Variants in ZFP91 observed in about 807,000 individuals in gnomAD.
The protein encoded by ZFP91 is E3 ubiquitin-protein ligase ZFP91.
Under a neutral mutation model 63.5 loss-of-function variants are expected in ZFP91, and 7 were observed. The ratio of observed to expected loss-of-function variants is 0.11; its 90% confidence interval spans 0.06 to 0.21. ZFP91 has a LOEUF of 0.21. ZFP91 is among the 10% of genes least tolerant of loss of function. The pLI is 1.00. For synonymous variants in ZFP91, 330 were observed against 272.1 expected (o/e 1.21, Z -2.10); for missense variants, 628 against 736.6 (o/e 0.85, Z 1.71).
chr11:58,600,838 G>GT (rs1190954601), intron 2 of ZFP91, among the ~76,000 whole-genome samples: 1 of 152,020 alleles, frequency 6.6e-6, no homozygotes, highest in Non-Finnish European at 1.5e-5. Flanking sequence ...TCTATTCCCA[G>GT]TTTTTTGTGT....
chr11:58,614,101 T>C (rs746095525), intron 8 of ZFP91, 128 bp from the exon 9 acceptor site: 3 of 520,032 alleles, frequency 5.8e-6, no homozygotes, highest in Non-Finnish European at 1.0e-5. Flanking sequence ...TTTATTATAC[T>C]CCCTCACTAT....
chr11:58,590,456 C>T (rs375646864), intron 2 of ZFP91, among the ~76,000 whole-genome samples: 1 of 152,062 alleles, frequency 6.6e-6, no homozygotes, highest in Non-Finnish European at 1.5e-5. Flanking sequence ...GTGGTTGTGG[C>T]GCAGTGTTCC....
chr11:58,605,816 A>G (rs931666868), intron 2 of ZFP91, among the ~76,000 whole-genome samples: 4 of 151,958 alleles, frequency 2.6e-5, no homozygotes, highest in Non-Finnish European at 5.9e-5. Flanking sequence ...AGTTTTTCAA[A>G]TATTCTTTCT....
At chr11:58,580,023 G>A (rs1315494190) in intron 1 of ZFP91, among the ~76,000 whole-genome samples, 1 of 151,460 alleles carries the variant, frequency 6.6e-6, no homozygotes, top group African/African-American at 2.4e-5. Context: ...CCCGATCATA[G>A]CCTTCAAAAA....
rs780203531 is a variant in ZFP91, at chr11:58,617,397, C to A, written c.1404C>A (p.Ala468=). 15 of 1,613,536 alleles carry A rather than the reference C, an allele frequency of 9.3e-6. No homozygotes were observed. The highest frequency in any genetic ancestry group is 1.3e-5 in the Non-Finnish European group (15 of 1,179,794). Residue 468 remains alanine, a synonymous_variant, in exon 11 of 11, where the codon GCC becomes GCA. Transcript: ENST00000316059. This position sits in a 1 kb window ranked among gnomAD's most constrained non-coding sequence, Gnocchi z 4.2. ...IAEALAANAG[A]LITSTDILGT... ...AAGCTCTGGCTGCCAATGCAGGCGCCCTCATCACCAGCACAGATATCTTGG... is the reference window on the plus strand; with the variant it reads ...AAGCTCTGGCTGCCAATGCAGGCGCACTCATCACCAGCACAGATATCTTGG...
chr11:58,604,397 ATTC>A (rs138591500), intron 2 of ZFP91, among the ~76,000 whole-genome samples: 4,804 of 152,204 alleles, frequency 0.032, 244 homozygotes, highest in African/African-American at 0.11. Flanking sequence ...GCAAGGAATG[ATTC>A]TTCTCAGAGT....
At chr11:58,616,960 T>C in intron 10 of ZFP91, 145 bp downstream of exon 10, 1 of 892,894 alleles carries the variant, frequency 1.1e-6, no homozygotes, top group South Asian at 1.8e-5. Context: ...CATTAGTTAG[T>C]AGCCTTTTTC....
At chr11:58,603,765 G>A (rs35349556) in intron 2 of ZFP91, among the ~76,000 whole-genome samples, 11,511 of 152,194 alleles carry the variant, frequency 0.076, 486 homozygotes, top group Middle Eastern at 0.11. Flanking sequence ...AATGCTTTTC[G>A]CTAGGTTTTG....
chr11:58,598,406 A>T (rs978818460), intron 2 of ZFP91, among the ~76,000 whole-genome samples: 4 of 152,148 alleles, frequency 2.6e-5, no homozygotes, highest in Admixed American at 6.5e-5. Context: ...TACATATTTT[A>T]AAAAACTGGC....
intron 3 of ZFP91, 71 bp downstream of exon 3, chr11:58,610,110 T>C (rs1855634795): frequency 1.3e-6 from 2 of 1,555,498 alleles, no homozygotes; most frequent in African/African-American, 1.4e-5. Flanking sequence ...TGTTGAACAT[T>C]TGTGTTAACA....
At chr11:58,610,452 C>A in intron 4 of ZFP91, 118 bp downstream of exon 4, 2 of 949,836 alleles carry the variant, frequency 2.1e-6, no homozygotes, top group Non-Finnish European at 3.0e-6. Flanking sequence ...AAATTAACTT[C>A]AGTTTTGATA....
At chr11:58,600,155 G>T (rs1855469081) in intron 2 of ZFP91, among the ~76,000 whole-genome samples, 1 of 152,056 alleles carries the variant, frequency 6.6e-6, no homozygotes, top group Admixed American at 6.6e-5. Context: ...TTTCAAGATG[G>T]CTGTGACTAG....
At chr11:58,616,579 T>C in intron 9 of ZFP91, 137 bp from the exon 10 acceptor site, 2 of 488,536 alleles carry the variant, frequency 4.1e-6, no homozygotes, top group Non-Finnish European at 6.9e-6. Context: ...AAATTTTGTT[T>C]ACCCAAAGTG....
Position 58,579,633 on chromosome 11 carries a change from G to A in ZFP91, c.341+11G>A, listed in dbSNP as rs1214924468. 1.9e-6 allele frequency: 3 copies of A among 1,547,458 alleles called. No individual in the cohort carries two copies. The African/African-American group carries it at 4.3e-5, about 22-fold the overall frequency. ...GAGTCCGCGACTCCTGTGAGTAACA[G>A]TCTTTCAGGCGGTGGGAAAGACCCC... On this transcript the variant is annotated intron_variant, in intron 1 of 10. Transcript: ENST00000316059.
intron 2 of ZFP91, among the ~76,000 whole-genome samples, chr11:58,590,399 T>TC (rs1855283957): frequency 2.0e-5 from 3 of 152,106 alleles, no homozygotes; most frequent in Admixed American, 2.0e-4. Flanking sequence ...GTTGGGCCAT[T>TC]CCCCCCTCCT....
At chr11:58,597,979 A>G (rs1855429991) in intron 2 of ZFP91, among the ~76,000 whole-genome samples, 1 of 152,124 alleles carries the variant, frequency 6.6e-6, no homozygotes, top group Admixed American at 6.6e-5. Flanking sequence ...AAATGAGTTA[A>G]CTGAGAGATA....
intron 2 of ZFP91, among the ~76,000 whole-genome samples, chr11:58,605,024 A>G (rs1855549178): frequency 6.6e-6 from 1 of 151,664 alleles, no homozygotes; most frequent in Non-Finnish European, 1.5e-5. Flanking sequence ...TTTGATCTTT[A>G]TTTTCTTTGT....
rs1328163586 is a variant in ZFP91 at position 58,617,465 on chromosome 11, G to A, written c.1472G>A (p.Gly491Asp). 3.7e-6 allele frequency: 6 copies of A among 1,614,024 alleles called. No homozygotes were observed. The highest frequency in any genetic ancestry group is 3.3e-5 in the South Asian group (3 of 91,088). ...ESLTQPSDGQ[G>D]LPLLPEPLGN... ...CTGACGCAGCCTTCAGATGGTCAGG[G>A]TCTTCCTCTTCTTCCTGAGCCCTTG... The change falls in exon 11 of 11, where the codon GGT (glycine) becomes GAT (aspartate). Residue 491 changes from glycine (G) to aspartate (D), a missense_variant. Gly to Asp is a moderately conservative substitution (Grantham distance 94, BLOSUM62 -1). Coordinates refer to ENST00000316059, the MANE Select transcript of ZFP91 (RefSeq NM_053023.5). This position sits in a 1 kb window ranked among gnomAD's most constrained non-coding sequence, Gnocchi z 4.2.
chr11:58,611,624 G>T lies in ZFP91; in HGVS notation c.743G>T (p.Arg248Ile), dbSNP rs1311244450. ...TTCAGGGAAACCCCAAAGCCACGGA[G>T]AAAATCAGGGAAGGTAAAAGAAGAG... The part of the protein sequence containing the change: ...HLERETPKPR[R>I]KSGKVKEEKE... Residue 248 changes from arginine to isoleucine, a missense_variant, in exon 6 of 11, where the codon AGA becomes ATA. This residue lies in a region of ZFP91 where 437 missense variants were observed against 380.3 expected (regional missense o/e 1.15). Coordinates refer to ENST00000316059, the MANE Select transcript of ZFP91 (RefSeq NM_053023.5). 6.2e-7 allele frequency: 1 copy of T among 1,612,280 alleles called. No individual in the cohort carries two copies. Among genetic ancestry groups the T allele is most frequent in the South Asian group, 1.1e-5 (1 of 90,900 alleles).
Sources: allele counts gnomAD v4.1 joint callset (sites outside exome capture counted in the v4.1 genomes callset), GRCh38; gene constraint gnomAD v4.1.1; regional missense constraint gnomAD v4.1.1; non-coding constraint Gnocchi (gnomAD v3.1); transcripts MANE v1.5; gene names NCBI Gene and HGNC (gene_info 2026-07-23, HGNC 2026-07-21).